The following SLC38A9 variants were observed in gnomAD, a reference collection of about 807,000 sequenced individuals.
SLC38A9 encodes the protein neutral amino acid transporter 9.
In SLC38A9, 48 loss-of-function variants were observed where a neutral mutation model predicts 62.3. The ratio of observed to expected loss-of-function variants is 0.77; its 90% CI spans 0.61 to 0.98. The LOEUF is 0.98. Among genes scored for constraint, SLC38A9 ranks in the 50% least tolerant of loss-of-function variants. The pLI is 0.00. For synonymous variants in SLC38A9, 204 were observed against 227.7 expected (o/e 0.90, Z 0.94); for missense variants, 541 against 679.8 (o/e 0.80, Z 2.27).
chr5:55,681,943 C>A (rs1244463387), intron 3 of SLC38A9, among the ~76,000 whole-genome samples: 1 of 152,058 alleles, frequency 6.6e-6, no homozygotes, highest in Non-Finnish European at 1.5e-5. Flanking sequence ...AAGTTGAGTC[C>A]GTATGCCCAC....
chr5:55,682,003 A>G (rs1350122733), intron 3 of SLC38A9, among the ~76,000 whole-genome samples: 1 of 151,754 alleles, frequency 6.6e-6, no homozygotes, highest in East Asian at 1.9e-4. Flanking sequence ...AAATTTACCA[A>G]CTCTTGTCCT....
At chr5:55,639,894 T>C (rs1382995627) in intron 12 of SLC38A9, among the ~76,000 whole-genome samples, 2 of 150,694 alleles carry the variant, frequency 1.3e-5, no homozygotes, top group African/African-American at 4.9e-5. Context: ...TAACATGAAG[T>C]ACAACTAGTT....
At chr5:55,710,461 G>A (rs916646857) in intron 2 of SLC38A9, among the ~76,000 whole-genome samples, 4 of 152,068 alleles carry the variant, frequency 2.6e-5, no homozygotes, top group Admixed American at 6.5e-5. Flanking sequence ...GCCCACCTCA[G>A]CCTCCCAAAA....
rs982470172 is a variant in SLC38A9 at position 55,690,734 on chromosome 5, C to T, written c.113+7112G>A. Among the ~76,000 whole-genome samples, 3 of 144,944 alleles carry T rather than the reference C, an allele frequency of 2.1e-5. No homozygotes were observed. The Admixed American group carries it at 2.1e-4, about 10-fold the overall frequency. On this transcript the variant is annotated intron_variant, in intron 3 of 15. Transcript: ENST00000396865. ...TACCTATTAATAGATAAACTCTTCA[C>T]TTTGCCTTAGTAAATATCATTGTAC...
In SLC38A9 at chr5:55,632,446, AAAAC is replaced by A. The variant is rs1362909996; in HGVS notation, c.1430+1304_1430+1307del. 3.3e-5 allele frequency among the ~76,000 whole-genome samples: 5 copies of A among 151,758 alleles called. No individual in the cohort carries two copies. The East Asian group carries it at 9.6e-4, about 29-fold the overall frequency. On this transcript the variant is annotated intron_variant, in intron 14 of 15. Coordinates refer to ENST00000396865, the MANE Select transcript of SLC38A9 (RefSeq NM_173514.4). ...GAGCGAGACTCAGTCTCAGAAAACAAAAACAAACAACAACAACAACAAAAACTGC... is the reference window on the plus strand; with the variant it reads ...GAGCGAGACTCAGTCTCAGAAAACAAAAACAACAACAACAACAAAAACTGC...
intron 12 of SLC38A9, among the ~76,000 whole-genome samples, chr5:55,638,674 T>C (rs779585047): frequency 6.6e-6 from 1 of 152,114 alleles, no homozygotes; most frequent in Non-Finnish European, 1.5e-5. Context: ...CTAACAAAAA[T>C]GACAGAAACT....
At chr5:55,677,751 C>T (rs1260850212) in intron 3 of SLC38A9, among the ~76,000 whole-genome samples, 1 of 150,718 alleles carries the variant, frequency 6.6e-6, no homozygotes, top group Non-Finnish European at 1.5e-5. Flanking sequence ...TTATGTTGCC[C>T]AGGCTGATCT....
intron 12 of SLC38A9, among the ~76,000 whole-genome samples, chr5:55,642,673 GTA>G (rs1219601527): frequency 6.6e-6 from 1 of 152,138 alleles, no homozygotes; most frequent in African/African-American, 2.4e-5. Flanking sequence ...AGCCTCTATT[GTA>G]TGTTAGATCA....
intron 12 of SLC38A9, among the ~76,000 whole-genome samples, chr5:55,644,841 A>AT (rs914127700): frequency 9.9e-5 from 15 of 151,944 alleles, no homozygotes; most frequent in African/African-American, 3.6e-4. Flanking sequence ...AGCATTAGGT[A>AT]TATCTCCTAA....
rs530980009 is a variant in SLC38A9, at chr5:55,694,757, C to CTTTCT, written c.113+3088_113+3089insAGAAA. 2.9e-3 allele frequency among the ~76,000 whole-genome samples: 425 copies of CTTTCT among 147,592 alleles called. 4 individuals carry two copies. The highest frequency in any genetic ancestry group is 4.2e-3 in the Non-Finnish European group (280 of 66,758). On this transcript the variant is annotated intron_variant, in intron 3 of 15. Transcript: ENST00000396865. ...CACCCTTCTCCTCTCCTCTCCTCTC[C>CTTTCT]TTTCCTTTCCTTTCCTGACAGAGTC...
At chr5:55,695,196 C>A (rs7734139) in intron 3 of SLC38A9, among the ~76,000 whole-genome samples, 90,843 of 151,488 alleles carry the variant, frequency 0.6, 27,811 homozygotes, top group South Asian at 0.7. Context: ...TTTATGAAAT[C>A]CTCTAAATCT....
intron 3 of SLC38A9, among the ~76,000 whole-genome samples, chr5:55,685,486 T>A (rs1753654355): frequency 6.6e-6 from 1 of 152,252 alleles, no homozygotes; most frequent in African/African-American, 2.4e-5. Flanking sequence ...GTTAGGAACA[T>A]TTGTTTACAA....
At chr5:55,697,666 A>T (rs1349507558) in intron 3 of SLC38A9, among the ~76,000 whole-genome samples, 180 bp downstream of exon 3, 3 of 151,846 alleles carry the variant, frequency 2.0e-5, no homozygotes, top group Non-Finnish European at 4.4e-5. Flanking sequence ...AAAAAAAAAA[A>T]AAAAAAAAAT....
intron 2 of SLC38A9, among the ~76,000 whole-genome samples, chr5:55,707,836 G>A (rs145275968): frequency 1.2e-3 from 177 of 152,270 alleles, no homozygotes; most frequent in African/African-American, 4.1e-3. Context: ...TGTCAGGAAG[G>A]CAGAACCCTT....
intron 7 of SLC38A9, among the ~76,000 whole-genome samples, chr5:55,668,056 C>T (rs1295425364): frequency 6.6e-6 from 1 of 152,132 alleles, no homozygotes; most frequent in Non-Finnish European, 1.5e-5. Flanking sequence ...CCTGTAGTCC[C>T]AGCTACCTGG....
At chr5:55,709,270 A>T (rs1285728718) in intron 2 of SLC38A9, among the ~76,000 whole-genome samples, 1 of 152,200 alleles carries the variant, frequency 6.6e-6, no homozygotes, top group Non-Finnish European at 1.5e-5. Context: ...GGAACACTAA[A>T]TGCTCTCAAG....
At chr5:55,683,155 ACC>A (rs1753271095) in intron 3 of SLC38A9, among the ~76,000 whole-genome samples, 1 of 152,230 alleles carries the variant, frequency 6.6e-6, no homozygotes, top group Non-Finnish European at 1.5e-5. Flanking sequence ...ATGTGATCTC[ACC>A]TAAAAACGTC....
In SLC38A9 at chr5:55,672,562, C is replaced by A. The variant is rs1331172326; in HGVS notation, c.246+1G>T. On this transcript the variant is annotated splice_donor_variant, in intron 4 of 15. Transcript: ENST00000396865. LOFTEE classifies it high-confidence loss of function. ...ACTATTAGTAATGTTTTGTCTCTTA[C>A]CAGTGCCTTGTCTGCAGGAGTGGTG... The A allele has an allele frequency of 6.2e-7, 1 of 1,613,706 alleles. No individual in the cohort carries two copies.
intron 3 of SLC38A9, among the ~76,000 whole-genome samples, chr5:55,694,376 C>G (rs1755156865): frequency 6.6e-6 from 1 of 152,070 alleles, no homozygotes. Flanking sequence ...GTGACATCTT[C>G]TGGTAAGATC....
Sources: gnomAD v4.1 joint callset for allele counts (sites outside exome capture counted in the v4.1 genomes callset) on GRCh38, gnomAD v4.1.1 for gene constraint, MANE v1.5 for transcripts, NCBI Gene and HGNC (gene_info 2026-07-23, HGNC 2026-07-21) for gene names.